Variants in GRIA2 observed in about 807,000 individuals in gnomAD.
GRIA2 encodes the protein glutamate receptor 2.
GRIA2 carries 14 observed loss-of-function variants against 97.3 expected under a neutral mutation model. The ratio of observed to expected loss-of-function variants is 0.14; its 90% confidence interval spans 0.10 to 0.23. The LOEUF is 0.23. Ranked by LOEUF, GRIA2 falls within the 10% of genes least tolerant of loss-of-function variation. GRIA2 has a pLI of 1.00. For synonymous variants in GRIA2, 412 were observed against 387.8 expected (o/e 1.06, Z -0.73); for missense variants, 558 against 1,069.8 (o/e 0.52, Z 6.67).
chr4:157,330,365 T>C (rs557346937), intron 6 of GRIA2, among the ~76,000 whole-genome samples: 5 of 152,086 alleles, frequency 3.3e-5, no homozygotes, highest in African/African-American at 9.6e-5. Flanking sequence ...ACTTTAATAG[T>C]ACTTAAATTT....
Position 157,229,405 on chromosome 4 carries a change from G to C in GRIA2, c.229+7598G>C, listed in dbSNP as rs141130707. Among the ~76,000 whole-genome samples the C allele has an allele frequency of 3.9e-5, 6 of 152,220 alleles. No individual in the cohort carries two copies. The South Asian group carries it at 8.3e-4, about 21-fold the overall frequency. On this transcript the variant is annotated intron_variant, in intron 2 of 15. Transcript: ENST00000264426. The stretch of plus-strand genomic sequence containing the variant: ...TGATACTACTCCAGCCTGGGTGACA[G>C]GGCAAAAACTTGCCTCAAAAAAGCA...
At chr4:157,329,960 A>G (rs1203531218) in intron 6 of GRIA2, among the ~76,000 whole-genome samples, 1 of 151,914 alleles carries the variant, frequency 6.6e-6, no homozygotes, top group Non-Finnish European at 1.5e-5. Flanking sequence ...TTTTTTGTGA[A>G]GCTGGGTAAA....
chr4:157,331,064 A>G (rs138194357), intron 6 of GRIA2, among the ~76,000 whole-genome samples: 92 of 152,060 alleles, frequency 6.1e-4, no homozygotes, highest in African/African-American at 2.0e-3. Context: ...GCAAAAAGGA[A>G]CTCTGGAAAC....
At position 157,288,019 on chromosome 4, in the gene GRIA2, GT is replaced by G. The variant is rs1732923262; in HGVS notation, c.230-15532del. ...TGCTCACAAAGAAAGTGAACCTAGT[GT>G]GCTGTAAAAATACTGAAAAGAATCC... On this transcript the variant is annotated intron_variant, in intron 2 of 15. Transcript: ENST00000264426. Among the ~76,000 whole-genome samples the G allele has an allele frequency of 2.0e-5, 3 of 151,656 alleles. No individual in the cohort carries two copies. In the Admixed American group the frequency reaches 2.0e-4, roughly 10 times the overall value.
intron 2 of GRIA2, among the ~76,000 whole-genome samples, chr4:157,225,878 G>GA (rs926638420): frequency 1.3e-5 from 2 of 151,776 alleles, no homozygotes; most frequent in African/African-American, 4.8e-5. Flanking sequence ...AGTTAACTGA[G>GA]AAAATCAATA....
chr4:157,253,893 C>G (rs1290967202), intron 2 of GRIA2, among the ~76,000 whole-genome samples: 2 of 151,976 alleles, frequency 1.3e-5, no homozygotes, highest in Non-Finnish European at 2.9e-5. Flanking sequence ...GCAAAATAAA[C>G]ATTAGAGAAA....
chr4:157,299,108 C>G (rs1733497825), intron 2 of GRIA2, among the ~76,000 whole-genome samples: 1 of 152,018 alleles, frequency 6.6e-6, no homozygotes, highest in Non-Finnish European at 1.5e-5. Context: ...TAGAAGAGAG[C>G]AAGACTAGTA....
intron 2 of GRIA2, among the ~76,000 whole-genome samples, chr4:157,244,683 C>A (rs916715756): frequency 2.0e-5 from 3 of 151,952 alleles, no homozygotes; most frequent in Non-Finnish European, 4.4e-5. Flanking sequence ...TTACTCAGAA[C>A]CTTTAAAGTT....
intron 2 of GRIA2, among the ~76,000 whole-genome samples, chr4:157,277,088 C>T (rs1732354976): frequency 6.6e-6 from 1 of 151,692 alleles, no homozygotes; most frequent in South Asian, 2.1e-4. Flanking sequence ...ATTATACAAA[C>T]CAGAAAACTA....
chr4:157,319,908 C>G lies in GRIA2; in HGVS notation c.721-1530C>G, dbSNP rs183063051. 1.0e-3 allele frequency among the ~76,000 whole-genome samples: 152 copies of G among 152,144 alleles called. 2 individuals are homozygous for G. Among genetic ancestry groups the G allele is most frequent in the South Asian group, 8.3e-3 (40 of 4,824 alleles). ...GAAGTGGTCATAAGGAAATCCAGTT[C>G]TCATTTCTCCAACCTTACTACCCTT... On this transcript the variant is annotated intron_variant, in intron 5 of 15. Coordinates refer to ENST00000264426, the MANE Select transcript of GRIA2 (RefSeq NM_001083619.3).
intron 2 of GRIA2, among the ~76,000 whole-genome samples, chr4:157,262,330 C>T (rs1333206531): frequency 1.3e-5 from 2 of 152,034 alleles, no homozygotes; most frequent in African/African-American, 4.8e-5. Flanking sequence ...TTTATCATCC[C>T]TTGATCTCTT....
chr4:157,228,840 C>T (rs1170416153), intron 2 of GRIA2, among the ~76,000 whole-genome samples: 2 of 149,512 alleles, frequency 1.3e-5, no homozygotes, highest in Admixed American at 6.7e-5. Flanking sequence ...CCCCCACCTC[C>T]CCCCACCAAA....
chr4:157,363,421 C>T lies in GRIA2; in HGVS notation c.*4-14C>T, dbSNP rs1736727947. The stretch of plus-strand genomic sequence containing the variant: ...TGATTTCTTTTTCTTTCTTTCCCTC[C>T]TCTCTCATTTAAGATGACCTTGAAT... On this transcript the variant is annotated splice_polypyrimidine_tract_variant and intron_variant, in intron 15 of 15. Coordinates refer to ENST00000264426, the MANE Select transcript of GRIA2 (RefSeq NM_001083619.3). The T allele has an allele frequency of 8.1e-7, 1 of 1,241,126 alleles. No individual in the cohort carries two copies. The allele number at this position is 1,241,126 out of a possible 1,614,324, so 76.9% of individuals were successfully genotyped here. A position where few individuals can be genotyped will look rare whatever the true frequency, so the allele number is the denominator to read the frequency against.
chr4:157,325,473 G>T (rs553571748), intron 6 of GRIA2, among the ~76,000 whole-genome samples: 1 of 152,260 alleles, frequency 6.6e-6, no homozygotes, highest in East Asian at 1.9e-4. Context: ...TGTTCTAGGT[G>T]TCAGAGAAAA....
At chr4:157,289,421 T>C (rs564530010) in intron 2 of GRIA2, among the ~76,000 whole-genome samples, 3 of 151,976 alleles carry the variant, frequency 2.0e-5, no homozygotes, top group African/African-American at 7.2e-5. Context: ...ACTTTGCGAA[T>C]ACTTGATGTA....
At chr4:157,328,572 A>T (rs1734910094) in intron 6 of GRIA2, among the ~76,000 whole-genome samples, 2 of 152,032 alleles carry the variant, frequency 1.3e-5, no homozygotes, top group South Asian at 4.1e-4. Flanking sequence ...CAACCAACAA[A>T]ATAAAAGATC....
chr4:157,292,174 C>T (rs1733135042), intron 2 of GRIA2, among the ~76,000 whole-genome samples: 1 of 151,916 alleles, frequency 6.6e-6, no homozygotes, highest in East Asian at 1.9e-4. Context: ...TGCAAAAGGA[C>T]ACTGACAGCA....
chr4:157,289,653 A>T (rs532893640), intron 2 of GRIA2, among the ~76,000 whole-genome samples: 1 of 151,970 alleles, frequency 6.6e-6, no homozygotes, highest in East Asian at 1.9e-4. Flanking sequence ...CAAAGATTAA[A>T]TTTACAAATT....
intron 2 of GRIA2, among the ~76,000 whole-genome samples, chr4:157,224,199 T>A (rs1391045964): frequency 6.6e-5 from 10 of 152,154 alleles, no homozygotes. Flanking sequence ...ATGTTCACAT[T>A]TCCAGAGACT....
Sources: gnomAD v4.1 joint callset for allele counts (sites outside exome capture counted in the v4.1 genomes callset) on GRCh38, gnomAD v4.1.1 for gene constraint, MANE v1.5 for transcripts, NCBI Gene and HGNC (gene_info 2026-07-23, HGNC 2026-07-21) for gene names.